The following BMPR1B variants were observed in gnomAD, a reference collection of about 807,000 sequenced individuals.
The protein encoded by BMPR1B is bone morphogenetic protein receptor type 1B, also known as bone morphogenetic protein receptor type-1B.
Under a neutral mutation model 59.1 loss-of-function variants are expected in BMPR1B, and 12 were observed. That is an observed-to-expected ratio of 0.20 (90% confidence interval 0.13 to 0.33). The LOEUF (loss-of-function observed/expected upper bound fraction) is 0.33. Ranked by LOEUF, BMPR1B falls within the 10% of genes least tolerant of loss-of-function variation. The probability of loss-of-function intolerance (pLI) is 1.00; values close to 1 mark genes in which losing one functional copy is unlikely to be tolerated. For synonymous variants in BMPR1B, 237 were observed against 207.3 expected (o/e 1.14, Z -1.23); for missense variants, 550 against 610.9 (o/e 0.90, Z 1.05).
chr4:94,988,528 A>G (rs749645947), intron 2 of BMPR1B, among the ~76,000 whole-genome samples: 1 of 152,226 alleles, frequency 6.6e-6, no homozygotes, highest in African/African-American at 2.4e-5. Context: ...ATGTGATGTC[A>G]TATAAAAGTT....
intron 1 of BMPR1B, among the ~76,000 whole-genome samples, chr4:94,874,561 A>T (rs942224567): frequency 6.6e-6 from 1 of 152,202 alleles, no homozygotes; most frequent in Non-Finnish European, 1.5e-5. Flanking sequence ...TTAGTAGAAG[A>T]GGGTATTGGT....
At chr4:94,869,139 C>T in intron 1 of BMPR1B, among the ~76,000 whole-genome samples, 1 of 127,292 alleles carries the variant, frequency 7.9e-6, no homozygotes, top group Non-Finnish European at 1.7e-5. Context: ...CACACACACA[C>T]ACACTTTGCT....
intron 4 of BMPR1B, among the ~76,000 whole-genome samples, chr4:95,107,029 T>C (rs930035425): frequency 4.6e-5 from 7 of 151,976 alleles, no homozygotes; most frequent in Non-Finnish European, 8.8e-5. Context: ...TTGTGTCCTC[T>C]GACATTGAAT....
At chr4:95,079,022 G>A (rs188168997) in intron 3 of BMPR1B, among the ~76,000 whole-genome samples, 2 of 152,274 alleles carry the variant, frequency 1.3e-5, no homozygotes, top group East Asian at 1.9e-4. Context: ...GCGTCCCAAA[G>A]TGCTGGGATT....
At chr4:94,983,992 C>G (rs1428489987) in intron 2 of BMPR1B, among the ~76,000 whole-genome samples, 1 of 152,106 alleles carries the variant, frequency 6.6e-6, no homozygotes, top group African/African-American at 2.4e-5. Flanking sequence ...ATTAGAACTG[C>G]TAATTAAAAT....
intron 3 of BMPR1B, among the ~76,000 whole-genome samples, chr4:95,062,176 A>G (rs753954795): frequency 3.0e-4 from 46 of 152,100 alleles, no homozygotes; most frequent in Non-Finnish European, 3.5e-4. Context: ...GAACAGACTA[A>G]TATACCACAG....
At chr4:95,136,297 T>C (rs1733779734) in intron 10 of BMPR1B, among the ~76,000 whole-genome samples, 1 of 152,232 alleles carries the variant, frequency 6.6e-6, no homozygotes, top group Admixed American at 6.5e-5. Context: ...GATGTGCAGC[T>C]GGATTCGTTT....
At chr4:95,002,216 A>G (rs1415739048) in intron 3 of BMPR1B, among the ~76,000 whole-genome samples, 5 of 152,158 alleles carry the variant, frequency 3.3e-5, no homozygotes, top group Non-Finnish European at 5.9e-5. Context: ...CTGCTACTTA[A>G]TAAGTGAGAA....
intron 3 of BMPR1B, among the ~76,000 whole-genome samples, chr4:95,017,140 C>A (rs1263911693): frequency 6.6e-6 from 1 of 152,188 alleles, no homozygotes; most frequent in Non-Finnish European, 1.5e-5. Flanking sequence ...TCAGATTTCT[C>A]AGAAGATGCC....
intron 2 of BMPR1B, among the ~76,000 whole-genome samples, chr4:94,927,969 G>A (rs1728953750): frequency 6.6e-6 from 1 of 152,086 alleles, no homozygotes; most frequent in South Asian, 2.1e-4. Context: ...AAAGTTTTGA[G>A]GCTGAGTATC....
At chr4:95,147,578 A>G (rs1421992168) in intron 10 of BMPR1B, among the ~76,000 whole-genome samples, 2 of 152,212 alleles carry the variant, frequency 1.3e-5, no homozygotes, top group African/African-American at 4.8e-5. Flanking sequence ...AGCAAAAAAA[A>G]AAATTGTTGG....
intron 1 of BMPR1B, among the ~76,000 whole-genome samples, chr4:94,765,235 A>G (rs957330736): frequency 6.6e-6 from 1 of 152,150 alleles, no homozygotes; most frequent in African/African-American, 2.4e-5. Context: ...GTATATATGT[A>G]TGTGTGTGTG....
At chr4:95,153,478 A>AG (rs1241885787) in intron 12 of BMPR1B, among the ~76,000 whole-genome samples, 4 of 152,154 alleles carry the variant, frequency 2.6e-5, no homozygotes, top group Non-Finnish European at 5.9e-5. Context: ...GGAAAAAAAA[A>AG]CAGGCTCTTA....
intron 3 of BMPR1B, among the ~76,000 whole-genome samples, chr4:95,020,453 C>T (rs917604344): frequency 6.6e-6 from 1 of 152,010 alleles, no homozygotes; most frequent in Non-Finnish European, 1.5e-5. Context: ...GTGGTACATG[C>T]CTGTAGTCCC....
At chr4:95,120,727 CTCTT>C (rs1317349292) in intron 6 of BMPR1B, among the ~76,000 whole-genome samples, 1 of 148,706 alleles carries the variant, frequency 6.7e-6, no homozygotes, top group Non-Finnish European at 1.5e-5. Flanking sequence ...TTCTCTCTCT[CTCTT>C]TCTGTCTGTC....
At chr4:94,985,774 T>C (rs1721369167) in intron 2 of BMPR1B, among the ~76,000 whole-genome samples, 1 of 152,186 alleles carries the variant, frequency 6.6e-6, no homozygotes, top group African/African-American at 2.4e-5. Flanking sequence ...CACTGGGCTA[T>C]TCCCTTACCT....
rs372978814 is a variant in BMPR1B at position 94,959,874 on chromosome 4, G to A, written c.-112-36166G>A. 1.8e-4 allele frequency among the ~76,000 whole-genome samples: 27 copies of A among 152,206 alleles called. No individual in the cohort carries two copies. The South Asian group carries it at 4.2e-3, about 23-fold the overall frequency. ...TATTATTTTTGAAATCTCCTTAAAA[G>A]TAAAAAATTAAAAGGTCAATGTGAG... On this transcript the variant is annotated intron_variant, in intron 2 of 12. Transcript: ENST00000515059.
chr4:95,003,559 T>G (rs1415994087), intron 3 of BMPR1B, among the ~76,000 whole-genome samples: 2 of 152,112 alleles, frequency 1.3e-5, no homozygotes, highest in African/African-American at 4.8e-5. Context: ...AATAATATAA[T>G]CTGTGTGATT....
chr4:94,797,087 G>A (rs1329240038), intron 1 of BMPR1B, among the ~76,000 whole-genome samples: 1 of 152,214 alleles, frequency 6.6e-6, no homozygotes, highest in Non-Finnish European at 1.5e-5. Context: ...TCAGAATCAT[G>A]TAGAGGGTGA....
Sources: gnomAD v4.1 joint callset for allele counts (sites outside exome capture counted in the v4.1 genomes callset) on GRCh38, gnomAD v4.1.1 for gene constraint, MANE v1.5 for transcripts, NCBI Gene and HGNC (gene_info 2026-07-23, HGNC 2026-07-21) for gene names.